Variants in TRAF7 observed in about 807,000 individuals in gnomAD.
TRAF7 encodes the protein E3 ubiquitin-protein ligase TRAF7.
In TRAF7, 45 loss-of-function variants were observed where a neutral mutation model predicts 89.3. That is an observed-to-expected ratio of 0.50 (90% CI 0.40 to 0.65). The LOEUF (loss-of-function observed/expected upper bound fraction) is 0.65, where lower values mean the gene tolerates loss of function less well. Ranked by LOEUF, TRAF7 falls within the 30% of genes least tolerant of loss-of-function variation. TRAF7 has a pLI of 0.00. For missense variants in TRAF7, 677 were observed against 918.1 expected (o/e 0.74, Z 3.39); for synonymous variants, 406 against 369.2 (o/e 1.10, Z -1.14).
chr16:2,156,732 G>GA (rs2093036358), intron 1 of TRAF7, among the ~76,000 whole-genome samples: 2 of 151,692 alleles, frequency 1.3e-5, no homozygotes, highest in South Asian at 4.2e-4. Flanking sequence ...TGCATGGTGG[G>GA]GTGGGGCGGG....
At chr16:2,160,451 A>G (rs9926191) in intron 1 of TRAF7, among the ~76,000 whole-genome samples, 15,447 of 138,062 alleles carry the variant, frequency 0.11, 1,049 homozygotes, top group African/African-American at 0.19. Context: ...TGGTGTGGAC[A>G]GGCAGGCGGT....
rs954591235 is a variant in TRAF7, at chr16:2,177,725, C to T, written c.*1151C>T. 8 of 243,180 alleles carry T rather than the reference C, an allele frequency of 3.3e-5. No homozygotes were observed. The highest frequency in any genetic ancestry group is 5.7e-5 in the Non-Finnish European group (7 of 123,590). 15.1% of individuals were successfully genotyped at this position (243,180 alleles called of 1,614,324 possible). A position where few individuals can be genotyped will look rare whatever the true frequency, so the allele number is the denominator to read the frequency against. ...CGTGGCTGCCACGCTGACACACCCACATTCACCAAACCCACCCGCGCCCTG... is the reference window on the plus strand; with the variant it reads ...CGTGGCTGCCACGCTGACACACCCATATTCACCAAACCCACCCGCGCCCTG... On this transcript the variant is annotated 3_prime_UTR_variant, in exon 21 of 21. Coordinates refer to ENST00000326181, the MANE Select transcript of TRAF7 (RefSeq NM_032271.3).
intron 9 of TRAF7, 149 bp from the exon 10 acceptor site, chr16:2,173,032 TG>T: frequency 1.6e-6 from 1 of 609,856 alleles, no homozygotes; most frequent in Admixed American, 2.8e-5. Context: ...GGTAGCTGGA[TG>T]GGGAGGAGGG....
Position 2,176,623 on chromosome 16 carries a change from T to C in TRAF7, c.*49T>C. 6.2e-7 allele frequency: 1 copy of C among 1,612,982 alleles called. No homozygotes were observed. The highest frequency in any genetic ancestry group is 8.5e-7 in the Non-Finnish European group (1 of 1,179,886). On this transcript the variant is annotated 3_prime_UTR_variant, in exon 21 of 21. Coordinates refer to ENST00000326181, the MANE Select transcript of TRAF7 (RefSeq NM_032271.3). ...TTCCCCTGAACCAGCCCTGGACCTT[T>C]CTGAGCCAGGCTGGCCACATGGGGT...
At chr16:2,169,955 C>G (rs1220575364) in intron 4 of TRAF7, among the ~76,000 whole-genome samples, 4 of 152,122 alleles carry the variant, frequency 2.6e-5, no homozygotes, top group African/African-American at 9.7e-5. Context: ...TTGGAAACTT[C>G]TGGAGGTTTC....
Position 2,163,934 on chromosome 16 carries a change from A to G in TRAF7, c.14A>G (p.Lys5Arg), listed in dbSNP as rs2093067316. Residue 5 changes from lysine to arginine, a missense_variant, in exon 2 of 21, where the codon AAG (lysine) becomes AGG (arginine). Transcript: ENST00000326181. This position sits in a 1 kb window ranked among gnomAD's most constrained non-coding sequence, Gnocchi z 4.3. MSSG[K>R]SARYNRFSGG... is the part of the protein sequence containing the mutation. ...CCTCTCTAGAGCATGAGCTCAGGCAAGAGTGCCCGCTACAACCGCTTCTCC... is the reference window on the plus strand; with the variant it reads ...CCTCTCTAGAGCATGAGCTCAGGCAGGAGTGCCCGCTACAACCGCTTCTCC... 2 of 1,612,600 alleles carry G rather than the reference A, an allele frequency of 1.2e-6. No individual in the cohort carries two copies. Among genetic ancestry groups the G allele is most frequent in the Non-Finnish European group, 1.7e-6 (2 of 1,179,718 alleles).
At position 2,163,994 on chromosome 16, in the gene TRAF7, C is replaced by T; in HGVS notation, c.74C>T (p.Thr25Ile). The change falls in exon 2 of 21, where the codon ACC becomes ATC. Residue 25 changes from threonine (T) to isoleucine (I), a missense_variant. Physicochemically the swap from Thr to Ile is moderately conservative, Grantham distance 89 (BLOSUM62 -1). Coordinates refer to ENST00000326181, the MANE Select transcript of TRAF7 (RefSeq NM_032271.3). This position sits in a 1 kb window ranked among gnomAD's most constrained non-coding sequence, Gnocchi z 4.3. ...GPSNLPTPDVTTGTRMETTFG... is the reference protein window; with the variant it reads ...GPSNLPTPDVITGTRMETTFG... Reference sequence around the variant, plus strand: ...AGCAATCTTCCCACCCCAGACGTCACCACAGGGGTAAGGGTGTGCCCCTCT... The same window carrying T: ...AGCAATCTTCCCACCCCAGACGTCATCACAGGGGTAAGGGTGTGCCCCTCT... The T allele has an allele frequency of 1.2e-6, 2 of 1,611,542 alleles. No individual in the cohort carries two copies. The highest frequency in any genetic ancestry group is 1.7e-5 in the Admixed American group (1 of 59,830).
At chr16:2,165,272 TGTTA>T (rs2093079886) in intron 2 of TRAF7, among the ~76,000 whole-genome samples, 1 of 135,440 alleles carries the variant, frequency 7.4e-6, no homozygotes, top group Non-Finnish European at 1.6e-5. Flanking sequence ...TGGTTAAGCG[TGTTA>T]GTGCTGCGTG....
At position 2,159,988 on chromosome 16, in the gene TRAF7, A is replaced by C. The variant is rs1404853959; in HGVS notation, c.-38-3895A>C. ...GGGTGTCCGCATCCCACATGCCCCC[A>C]GGGCGATGCCCCAGCAGAGCCCTCT... On this transcript the variant is annotated intron_variant, in intron 1 of 20. Transcript: ENST00000326181. The surrounding 1 kb of genome is among the most constrained non-coding windows in gnomAD (Gnocchi z 6.5). 6.6e-6 allele frequency among the ~76,000 whole-genome samples: 1 copy of C among 152,208 alleles called. No homozygotes were observed. The highest frequency in any genetic ancestry group is 1.5e-5 in the Non-Finnish European group (1 of 68,014).
chr16:2,167,879 G>A (rs2141279391), intron 3 of TRAF7, among the ~76,000 whole-genome samples, 198 bp from the exon 4 acceptor site: 1 of 152,236 alleles, frequency 6.6e-6, no homozygotes, highest in East Asian at 1.9e-4. Flanking sequence ...CAGCGTCCAT[G>A]CTCCTGGCAC....
At chr16:2,171,234 C>G in intron 5 of TRAF7, 30 bp from the exon 6 acceptor site, 1 of 1,529,008 alleles carries the variant, frequency 6.5e-7, no homozygotes, top group African/African-American at 1.4e-5. Context: ...TGGCCTCCCG[C>G]CATCGCCTGC....
rs1307139729 is a variant in TRAF7, at chr16:2,165,902, A to G, written c.105A>G (p.Gly35=). 9 of 1,613,898 alleles carry G rather than the reference A, an allele frequency of 5.6e-6. No homozygotes were observed. The highest frequency in any genetic ancestry group is 1.3e-5 in the African/African-American group (1 of 74,882). Residue 35 remains glycine, a synonymous_variant, in exon 3 of 21, where the codon GGA becomes GGG. Transcript: ENST00000326181. The stretch of plus-strand genomic sequence containing the variant: ...AGACCAGAATGGAAACGACCTTCGG[A>G]CCCGCCTTTTCAGCCGTCACCACCA... ...TTGTRMETTF[G]PAFSAVTTIT...
chr16:2,164,153 T>G (rs1176831933), intron 2 of TRAF7, 152 bp downstream of exon 2: 2 of 553,522 alleles, frequency 3.6e-6, no homozygotes, highest in Non-Finnish European at 6.2e-6. Flanking sequence ...TGTGTGTGTG[T>G]GTGTGTGCGC....
rs948842302 is a variant in TRAF7 at position 2,158,960 on chromosome 16, G to A, written c.-39+3102G>A. Among the ~76,000 whole-genome samples the A allele has an allele frequency of 2.0e-5, 3 of 152,134 alleles. No homozygotes were observed. The highest frequency in any genetic ancestry group is 4.4e-5 in the Non-Finnish European group (3 of 68,020). ...GGATCCCAGCAGCCTCATCCTCCAG[G>A]AAGCCCTCTGGACTTCCCCTCGACT... On this transcript the variant is annotated intron_variant, in intron 1 of 20. Transcript: ENST00000326181. This position sits in a 1 kb window ranked among gnomAD's most constrained non-coding sequence, Gnocchi z 4.7.
At chr16:2,172,636 C>T (rs867681950) in intron 9 of TRAF7, 37 bp downstream of exon 9, 18 of 1,531,900 alleles carry the variant, frequency 1.2e-5, no homozygotes, top group Admixed American at 9.9e-5. Flanking sequence ...CCGGGGTGGG[C>T]GCAGGCCCTC....
chr16:2,170,196 G>A (rs986576195), intron 4 of TRAF7, among the ~76,000 whole-genome samples: 4 of 152,232 alleles, frequency 2.6e-5, no homozygotes, highest in African/African-American at 4.8e-5. Flanking sequence ...GAGCCCAGCC[G>A]TCGCTCCCTG....
intron 9 of TRAF7, among the ~76,000 whole-genome samples, chr16:2,172,918 G>A (rs1249337987): frequency 6.6e-6 from 1 of 152,214 alleles, no homozygotes; most frequent in African/African-American, 2.4e-5. Flanking sequence ...GAGGTGGGCA[G>A]GGAGGCTGCC....
chr16:2,165,744 C>T, intron 2 of TRAF7, 135 bp from the exon 3 acceptor site: 3 of 959,500 alleles, frequency 3.1e-6, no homozygotes, highest in Non-Finnish European at 4.8e-6. Context: ...CGTGGCGTGG[C>T]CTGGTCGCAT....
At position 2,175,563 on chromosome 16, in the gene TRAF7, G is replaced by A. The variant is rs763780388; in HGVS notation, c.1567G>A (p.Val523Met). The A allele has an allele frequency of 1.2e-6, 2 of 1,613,006 alleles. No homozygotes were observed. Among genetic ancestry groups the A allele is most frequent in the Non-Finnish European group, 1.7e-6 (2 of 1,179,988 alleles). ...KKELTGLNHW[V>M]RALVAAQSYL... The stretch of plus-strand genomic sequence containing the variant: ...GGAGCTCACAGGCCTCAACCACTGG[G>A]TGCGGGCCCTGGTGGCTGCCCAGAG... Residue 523 changes from valine to methionine, a missense_variant, in exon 17 of 21, where the codon GTG becomes ATG. Physicochemically the swap from Val to Met is conservative, Grantham distance 21. Coordinates refer to ENST00000326181, the MANE Select transcript of TRAF7 (RefSeq NM_032271.3).
Sources: gnomAD v4.1 joint callset for allele counts (sites outside exome capture counted in the v4.1 genomes callset) on GRCh38, gnomAD v4.1.1 for gene constraint, Gnocchi (gnomAD v3.1) non-coding constraint, MANE v1.5 for transcripts, NCBI Gene and HGNC (gene_info 2026-07-23, HGNC 2026-07-21) for gene names.